Variants in PIEZO2 observed in about 807,000 individuals in gnomAD.
PIEZO2 encodes the protein piezo type mechanosensitive ion channel component 2.
PIEZO2 carries 172 observed loss-of-function variants against 337.3 expected under a neutral mutation model. The ratio of observed to expected loss-of-function variants is 0.51; its 90% confidence interval spans 0.45 to 0.58. The LOEUF is 0.58. Among genes scored for constraint, PIEZO2 ranks in the 20% least tolerant of loss-of-function variants. The pLI is 0.00. For synonymous variants in PIEZO2, 1,251 were observed against 1,228.5 expected (o/e 1.02, Z -0.38); for missense variants, 3,028 against 3,391.3 (o/e 0.89, Z 2.66).
intron 3 of PIEZO2, among the ~76,000 whole-genome samples, chr18:10,922,866 A>G (rs1462104368): frequency 6.6e-6 from 1 of 152,170 alleles, no homozygotes; most frequent in African/African-American, 2.4e-5. Flanking sequence ...AAATAAAGCC[A>G]TCTGTTTTAG....
At chr18:10,831,516 C>T (rs2040841633) in intron 7 of PIEZO2, among the ~76,000 whole-genome samples, 1 of 152,022 alleles carries the variant, frequency 6.6e-6, no homozygotes, top group African/African-American at 2.4e-5. Flanking sequence ...TGATGGTTAC[C>T]AGAGGCTAGG....
chr18:10,735,250 A>G lies in PIEZO2; in HGVS notation c.4896T>C (p.Tyr1632=), dbSNP rs2036950856. The part of the protein sequence containing the change: ...VIKLPKTILQ[Y]LIRAAKFVYQ... ...CAAATACCTTTGCAGCTCTGATTAA[A>G]TACTGAAGAATAGTTTTGGGAAGTT... The change falls in exon 35 of 56, where the codon TAT becomes TAC. Residue 1632 remains tyrosine, a synonymous_variant. Coordinates refer to ENST00000674853, the MANE Select transcript of PIEZO2 (RefSeq NM_001378183.1). 6.6e-6 allele frequency among the ~76,000 whole-genome samples: 1 copy of G among 152,258 alleles called. No homozygotes were observed. Among genetic ancestry groups the G allele is most frequent in the South Asian group, 2.1e-4 (1 of 4,836 alleles).
In PIEZO2 at chr18:10,752,142, A is replaced by G. The variant is rs546846374; in HGVS notation, c.4167+494T>C. Among the ~76,000 whole-genome samples the G allele has an allele frequency of 1.3e-3, 195 of 152,302 alleles. 3 individuals carry two copies. Among genetic ancestry groups the G allele is most frequent in the African/African-American group, 4.4e-3 (183 of 41,568 alleles). On this transcript the variant is annotated intron_variant, in intron 28 of 55. Coordinates refer to ENST00000674853, the MANE Select transcript of PIEZO2 (RefSeq NM_001378183.1). ...CTGAGTACATAAAACATTCTTGCCT[A>G]TAATAGCCCATTCCACCTCATTCCC...
intron 2 of PIEZO2, among the ~76,000 whole-genome samples, chr18:11,062,537 T>C (rs2038003601): frequency 6.6e-6 from 1 of 152,268 alleles, no homozygotes; most frequent in South Asian, 2.1e-4. Context: ...ATCCAGAATC[T>C]ACAATGAACC....
Position 10,853,042 on chromosome 18 carries a change from T to C in PIEZO2, c.917+2311A>G, listed in dbSNP as rs1286886443. Among the ~76,000 whole-genome samples the C allele has an allele frequency of 6.6e-6, 1 of 152,198 alleles. No individual in the cohort carries two copies. The highest frequency in any genetic ancestry group is 1.5e-5 in the Non-Finnish European group (1 of 68,042). ...GGAGTTGGGTGAGTGGGCTCAAGCA[T>C]GTGCAGTAAGAGGTAAAATGGCGGA... On this transcript the variant is annotated intron_variant, in intron 7 of 55. Coordinates refer to ENST00000674853, the MANE Select transcript of PIEZO2 (RefSeq NM_001378183.1). This position sits in a 1 kb window ranked among gnomAD's most constrained non-coding sequence, Gnocchi z 4.2.
In PIEZO2 at chr18:10,782,452, G is replaced by GTA. The variant is rs1401478105; in HGVS notation, c.2493-2088_2493-2087dup. ...AAATAATTATATAATATATTATATA[G>GTA]TATATATATTATATTAAATAATATA... On this transcript the variant is annotated intron_variant, in intron 17 of 55. Coordinates refer to ENST00000674853, the MANE Select transcript of PIEZO2 (RefSeq NM_001378183.1). Among the ~76,000 whole-genome samples the GTA allele has an allele frequency of 1.6e-4, 8 of 48,990 alleles. No homozygotes were observed. In the Admixed American group the frequency reaches 1.9e-3, roughly 11 times the overall value. 32.1% of individuals were successfully genotyped at this position (48,990 alleles called of 152,430 possible).
rs528188671 is a variant in PIEZO2, at chr18:10,715,225, C to G, written c.5257-295G>C. The stretch of plus-strand genomic sequence containing the variant: ...TCTTTAAACCATATATTTTGTTATT[C>G]TGCGTATGTCCTACTTTTTATTATA... On this transcript the variant is annotated intron_variant, in intron 38 of 55. Coordinates refer to ENST00000674853, the MANE Select transcript of PIEZO2 (RefSeq NM_001378183.1). Among the ~76,000 whole-genome samples, 43 of 152,286 alleles carry G rather than the reference C, an allele frequency of 2.8e-4. No individual in the cohort carries two copies. In the South Asian group the frequency reaches 8.9e-3, roughly 32 times the overall value.
chr18:11,073,023 A>G (rs1470956391), intron 1 of PIEZO2, among the ~76,000 whole-genome samples: 3 of 152,218 alleles, frequency 2.0e-5, no homozygotes, highest in Non-Finnish European at 2.9e-5. Context: ...TAACTTTGCT[A>G]TGTAAGGCTT....
intron 9 of PIEZO2, 24 bp downstream of exon 9, chr18:10,803,851 G>A (rs1262520696): frequency 6.5e-7 from 1 of 1,536,006 alleles, no homozygotes; most frequent in Admixed American, 2.0e-5. Flanking sequence ...TTAGGGAACG[G>A]AAATCCCTTT....
intron 3 of PIEZO2, among the ~76,000 whole-genome samples, chr18:10,946,628 G>A (rs1175842091): frequency 3.9e-5 from 6 of 152,210 alleles, no homozygotes; most frequent in Admixed American, 2.6e-4. Context: ...TCTGCAATGA[G>A]GCAGTGTGAG....
At chr18:10,936,228 T>G (rs2032384358) in intron 3 of PIEZO2, among the ~76,000 whole-genome samples, 1 of 152,168 alleles carries the variant, frequency 6.6e-6, no homozygotes, top group Admixed American at 6.5e-5. Flanking sequence ...TTGCCTTACT[T>G]TCTAGTCAGC....
In PIEZO2 at chr18:11,149,525, G is replaced by C. The variant is rs565243651; in HGVS notation, c.-937C>G. Reference sequence around the variant, plus strand: ...GCCGCCTTGCAGCCTCGCCCTCGCGGCGCAGCCGGGGCTCCCCGGCGGCGC... The same window carrying C: ...GCCGCCTTGCAGCCTCGCCCTCGCGCCGCAGCCGGGGCTCCCCGGCGGCGC... On this transcript the variant is annotated 5_prime_UTR_variant, in exon 1 of 56. Coordinates refer to ENST00000674853, the MANE Select transcript of PIEZO2 (RefSeq NM_001378183.1). This position sits in a 1 kb window ranked among gnomAD's most constrained non-coding sequence, Gnocchi z 8.7. 1.1e-3 allele frequency among the ~76,000 whole-genome samples: 174 copies of C among 151,894 alleles called. No homozygotes were observed. The highest frequency in any genetic ancestry group is 4.0e-3 in the African/African-American group (168 of 41,484).
intron 49 of PIEZO2, among the ~76,000 whole-genome samples, chr18:10,684,868 GTCTTGCTCTGCTGCCCTGAGATAGTC>G (rs2034478878): frequency 6.6e-6 from 1 of 152,084 alleles, no homozygotes; most frequent in Admixed American, 6.6e-5. Flanking sequence ...TTGAGATAGT[GTCTTGCTCTGCTGCCCTGAGATAGTC>G]TCTTGCTCTG....
Position 10,856,358 on chromosome 18 carries a change from T to C in PIEZO2, c.703+643A>G, listed in dbSNP as rs931560518. On this transcript the variant is annotated intron_variant, in intron 6 of 55. Coordinates refer to ENST00000674853, the MANE Select transcript of PIEZO2 (RefSeq NM_001378183.1). The surrounding 1 kb of genome is among the most constrained non-coding windows in gnomAD (Gnocchi z 4.7). ...CTGTCATTTCCCCCATTTTTCCCAC[T>C]ATTAAAAAACAGCTAAGTTGCTGCA... 2.0e-5 allele frequency among the ~76,000 whole-genome samples: 3 copies of C among 152,150 alleles called. No individual in the cohort carries two copies. The highest frequency in any genetic ancestry group is 4.4e-5 in the Non-Finnish European group (3 of 68,020).
At chr18:10,883,574 C>G (rs1257136453) in intron 4 of PIEZO2, among the ~76,000 whole-genome samples, 3 of 152,178 alleles carry the variant, frequency 2.0e-5, no homozygotes, top group African/African-American at 7.2e-5. Context: ...TGAGTCAACA[C>G]AGACATCATC....
At chr18:10,852,760 C>G (rs946581484) in intron 7 of PIEZO2, among the ~76,000 whole-genome samples, 2 of 152,144 alleles carry the variant, frequency 1.3e-5, no homozygotes, top group Non-Finnish European at 2.9e-5. Context: ...AGAGAGAATT[C>G]TGGCACCGTC....
rs1052797499 is a variant in PIEZO2, at chr18:11,128,675, T to C, written c.64+19850A>G. Reference sequence around the variant, plus strand: ...CTGAAGCAGTTTCTAGGCAAGATAATGTTGATTCTCCTCAGAAGCCTCCCC... The same window carrying C: ...CTGAAGCAGTTTCTAGGCAAGATAACGTTGATTCTCCTCAGAAGCCTCCCC... On this transcript the variant is annotated intron_variant, in intron 1 of 55. Transcript: ENST00000674853. The surrounding 1 kb of genome is among the most constrained non-coding windows in gnomAD (Gnocchi z 4.1). Among the ~76,000 whole-genome samples the C allele has an allele frequency of 1.3e-5, 2 of 152,098 alleles. No individual in the cohort carries two copies. Among genetic ancestry groups the C allele is most frequent in the Admixed American group, 6.5e-5 (1 of 15,280 alleles).
intron 1 of PIEZO2, among the ~76,000 whole-genome samples, chr18:11,086,984 CTA>C (rs1213797920): frequency 6.6e-6 from 1 of 152,134 alleles, no homozygotes; most frequent in East Asian, 1.9e-4. Context: ...CCCAAAATTC[CTA>C]TGTTGAATCC....
At position 10,704,382 on chromosome 18, in the gene PIEZO2, G is replaced by A. The variant is rs892963977; in HGVS notation, c.6258+12C>T. On this transcript the variant is annotated intron_variant, in intron 42 of 55. Coordinates refer to ENST00000674853, the MANE Select transcript of PIEZO2 (RefSeq NM_001378183.1). ...CCTGAAGCCATCCACAGGGGTCTGC[G>A]TCCAGGCCTACCTCAGTATAGACGA... 12 of 1,536,608 alleles carry A rather than the reference G, an allele frequency of 7.8e-6. No homozygotes were observed. The highest frequency in any genetic ancestry group is 4.1e-5 in the African/African-American group (3 of 73,024).
Sources: allele counts gnomAD v4.1 joint callset (sites outside exome capture counted in the v4.1 genomes callset), GRCh38; gene constraint gnomAD v4.1.1; non-coding constraint Gnocchi (gnomAD v3.1); transcripts MANE v1.5; gene names NCBI Gene and HGNC (gene_info 2026-07-23, HGNC 2026-07-21).